The following GULP1 variants were observed in gnomAD, a reference collection of about 807,000 sequenced individuals.
The protein encoded by GULP1 is GULP PTB domain containing engulfment adaptor 1.
GULP1 carries 19 observed loss-of-function variants against 40.9 expected under a neutral mutation model. That is an observed-to-expected ratio of 0.46 (90% confidence interval 0.32 to 0.68). The LOEUF is 0.68. GULP1 is among the 30% of genes least tolerant of loss of function. GULP1 has a pLI of 0.03. For missense variants in GULP1, 312 were observed against 362.2 expected (o/e 0.86, Z 1.12); for synonymous variants, 119 against 117.6 (o/e 1.01, Z -0.08).
chr2:188,400,274 C>G (rs774672543), intron 2 of GULP1, among the ~76,000 whole-genome samples: 12 of 152,132 alleles, frequency 7.9e-5, no homozygotes, highest in Non-Finnish European at 1.8e-4. Flanking sequence ...ATAAACATAT[C>G]AGTCATTGTA....
intron 9 of GULP1, among the ~76,000 whole-genome samples, chr2:188,576,301 A>C (rs1238848921): frequency 6.6e-6 from 1 of 152,102 alleles, no homozygotes; most frequent in Non-Finnish European, 1.5e-5. Context: ...TTTAGTTAAT[A>C]TGCCCAATAT....
chr2:188,555,667 A>C (rs1437190291), intron 7 of GULP1, among the ~76,000 whole-genome samples: 2 of 152,146 alleles, frequency 1.3e-5, no homozygotes, highest in Admixed American at 6.5e-5. Flanking sequence ...AGATAGTCTG[A>C]GTATAATGTG....
intron 4 of GULP1, among the ~76,000 whole-genome samples, chr2:188,489,772 T>C (rs1354273544): frequency 6.6e-6 from 1 of 152,064 alleles, no homozygotes; most frequent in Non-Finnish European, 1.5e-5. Context: ...TGGGAAACTA[T>C]ATGGTGTTTT....
intron 2 of GULP1, among the ~76,000 whole-genome samples, chr2:188,396,663 T>G (rs2051316159): frequency 6.6e-6 from 1 of 152,138 alleles, no homozygotes; most frequent in Non-Finnish European, 1.5e-5. Context: ...GACGTCCAGC[T>G]CCTGTATTCA....
chr2:188,543,268 A>C (rs2153339096), intron 7 of GULP1, among the ~76,000 whole-genome samples: 1 of 152,278 alleles, frequency 6.6e-6, no homozygotes, highest in Non-Finnish European at 1.5e-5. Context: ...AATGTACATA[A>C]AAATCATACA....
intron 2 of GULP1, among the ~76,000 whole-genome samples, chr2:188,476,949 T>C (rs1233094027): frequency 1.3e-5 from 2 of 152,140 alleles, no homozygotes; most frequent in African/African-American, 2.4e-5. Context: ...AATATCTCAA[T>C]TGGACAACAG....
intron 6 of GULP1, among the ~76,000 whole-genome samples, chr2:188,539,065 G>A (rs1689735550): frequency 6.6e-6 from 1 of 151,768 alleles, no homozygotes; most frequent in South Asian, 2.1e-4. Flanking sequence ...ATAACAATTG[G>A]CTCCTCTGTC....
At chr2:188,433,487 T>C (rs1370127479) in intron 2 of GULP1, among the ~76,000 whole-genome samples, 1 of 152,042 alleles carries the variant, frequency 6.6e-6, no homozygotes, top group African/African-American at 2.4e-5. Flanking sequence ...AAAATTAGGA[T>C]CCTGAAAACT....
chr2:188,565,763 C>T (rs573933195), intron 7 of GULP1, among the ~76,000 whole-genome samples: 31 of 152,014 alleles, frequency 2.0e-4, no homozygotes, highest in Non-Finnish European at 3.7e-4. Flanking sequence ...TAACTAAGAA[C>T]TGACAAAACC....
At chr2:188,567,588 T>A (rs930305054) in intron 7 of GULP1, among the ~76,000 whole-genome samples, 2 of 151,888 alleles carry the variant, frequency 1.3e-5, no homozygotes, top group African/African-American at 4.8e-5. Flanking sequence ...AGTTGAACAA[T>A]GAGAACACAT....
intron 1 of GULP1, among the ~76,000 whole-genome samples, chr2:188,350,587 AT>A (rs1237608543): frequency 2.0e-5 from 3 of 151,772 alleles, no homozygotes; most frequent in Non-Finnish European, 4.4e-5. Flanking sequence ...TTTTACTGGA[AT>A]TTCTATATAT....
intron 2 of GULP1, among the ~76,000 whole-genome samples, chr2:188,413,269 C>T (rs2054152239): frequency 6.6e-6 from 1 of 152,192 alleles, no homozygotes; most frequent in African/African-American, 2.4e-5. Context: ...AATCGCCACA[C>T]TGTCTTCCAC....
rs143142380 is a variant in GULP1 at position 188,317,017 on chromosome 2, T to C, written c.-172+24851T>C. Among the ~76,000 whole-genome samples, 351 of 152,262 alleles carry C rather than the reference T, an allele frequency of 2.3e-3. 1 individual carries two copies. Among genetic ancestry groups the C allele is most frequent in the African/African-American group, 8.0e-3 (331 of 41,556 alleles). ...AAAGATGCAAATGTTAGATAATGAA[T>C]TGGGAGAGGGCCACACCTGCACTTA... On this transcript the variant is annotated intron_variant, in intron 1 of 11. Transcript: ENST00000409830.
intron 2 of GULP1, among the ~76,000 whole-genome samples, chr2:188,384,745 A>T (rs2049446014): frequency 6.6e-6 from 1 of 152,186 alleles, no homozygotes; most frequent in African/African-American, 2.4e-5. Flanking sequence ...AGCCATTCCA[A>T]ATGGGAGAAA....
chr2:188,378,274 T>C (rs1190712127), intron 1 of GULP1, among the ~76,000 whole-genome samples: 2 of 124,672 alleles, frequency 1.6e-5, no homozygotes, highest in Non-Finnish European at 3.3e-5. Context: ...AGTGTCTCTA[T>C]ATAGAAAAAA....
intron 2 of GULP1, among the ~76,000 whole-genome samples, chr2:188,465,459 T>C (rs2060033500): frequency 6.6e-6 from 1 of 151,896 alleles, no homozygotes; most frequent in African/African-American, 2.4e-5. Flanking sequence ...AGCCACAAAC[T>C]ATGCAGCCTG....
intron 4 of GULP1, among the ~76,000 whole-genome samples, chr2:188,509,266 T>C (rs2064254869): frequency 6.6e-6 from 1 of 152,028 alleles, no homozygotes; most frequent in South Asian, 2.1e-4. Flanking sequence ...GCTCAGAGTG[T>C]TTTTTGTTAT....
intron 10 of GULP1, 45 bp from the exon 11 acceptor site, chr2:188,587,810 T>C: frequency 9.8e-7 from 1 of 1,021,028 alleles, no homozygotes; most frequent in Non-Finnish European, 1.5e-6. Context: ...TAACTCCAGC[T>C]CACTTCTTGT....
chr2:188,401,080 T>C (rs947943007), intron 2 of GULP1, among the ~76,000 whole-genome samples: 2 of 152,050 alleles, frequency 1.3e-5, no homozygotes, highest in African/African-American at 4.8e-5. Context: ...TAGTGGCCTG[T>C]ATGAGACTAG....
Sources: gnomAD v4.1 joint callset for allele counts (sites outside exome capture counted in the v4.1 genomes callset) on GRCh38, gnomAD v4.1.1 for gene constraint, MANE v1.5 for transcripts, NCBI Gene and HGNC (gene_info 2026-07-23, HGNC 2026-07-21) for gene names.